EYA4: variants seen among roughly 807,000 people sequenced by gnomAD.
EYA4 encodes the protein EYA transcriptional coactivator and phosphatase 4, also known as protein phosphatase EYA4.
EYA4 carries 31 observed loss-of-function variants against 87.9 expected under a neutral mutation model. That is an observed-to-expected ratio of 0.35 (90% CI 0.27 to 0.48). EYA4 has a LOEUF of 0.48. EYA4 is among the 20% of genes least tolerant of loss of function. The pLI is 0.99. For missense variants in EYA4, 678 were observed against 761.4 expected, an observed-to-expected ratio of 0.89 and a Z score of 1.29; for synonymous variants, 263 against 270.6, an observed-to-expected ratio of 0.97 and a Z score of 0.28.
At chr6:133,515,161 T>G (rs1452894322) in intron 16 of EYA4, among the ~76,000 whole-genome samples, 160 bp from the exon 17 acceptor site, 1 of 152,174 alleles carries the variant, frequency 6.6e-6, no homozygotes, top group Admixed American at 6.5e-5. Context: ...GATATTCAAT[T>G]CAGAAACGAA....
chr6:133,388,857 C>T (rs1282967337), intron 3 of EYA4, among the ~76,000 whole-genome samples: 1 of 152,162 alleles, frequency 6.6e-6, no homozygotes, highest in Non-Finnish European at 1.5e-5. Context: ...GCTTTTCTTT[C>T]ATTTCATACT....
chr6:133,378,935 G>GTGTGTT (rs1232422818), intron 2 of EYA4, among the ~76,000 whole-genome samples: 3 of 125,384 alleles, frequency 2.4e-5, no homozygotes, highest in African/African-American at 7.7e-5. Context: ...TGGTGTGTGT[G>GTGTGTT]TGTGTGTGTG....
intron 3 of EYA4, among the ~76,000 whole-genome samples, chr6:133,408,457 G>A (rs1788923913): frequency 6.6e-6 from 1 of 152,034 alleles, no homozygotes; most frequent in Admixed American, 6.6e-5. Context: ...CTACGCATAA[G>A]ATTAAATGAA....
At chr6:133,506,807 C>T (rs770861529) in intron 14 of EYA4, among the ~76,000 whole-genome samples, 4 of 152,004 alleles carry the variant, frequency 2.6e-5, no homozygotes, top group African/African-American at 7.2e-5. Flanking sequence ...CAAAATGAAA[C>T]GACCCAAGGA....
chr6:133,298,850 ATG>A (rs1360951443), intron 2 of EYA4, among the ~76,000 whole-genome samples: 2 of 152,220 alleles, frequency 1.3e-5, no homozygotes, highest in Admixed American at 1.3e-4. Context: ...ATCCTGATAA[ATG>A]TGAACACCTT....
chr6:133,415,012 C>G (rs1789586419), intron 3 of EYA4, among the ~76,000 whole-genome samples: 1 of 152,096 alleles, frequency 6.6e-6, no homozygotes, highest in Admixed American at 6.6e-5. Flanking sequence ...TTTATTTCAT[C>G]CAATTTGGTA....
chr6:133,512,469 G>T (rs1292612189), intron 14 of EYA4, among the ~76,000 whole-genome samples: 2 of 152,048 alleles, frequency 1.3e-5, no homozygotes, highest in African/African-American at 4.8e-5. Flanking sequence ...TTTTTAAATT[G>T]CTCTAAAGAA....
chr6:133,442,934 T>C lies in EYA4; in HGVS notation c.84-3696T>C, dbSNP rs574999340. On this transcript the variant is annotated intron_variant, in intron 3 of 19. Transcript: ENST00000355286. Reference sequence around the variant, plus strand: ...ATTATGTTAATATATTGAATTACATTGATTTCCACATGTGAAATCAGCTTT... The same window carrying C: ...ATTATGTTAATATATTGAATTACATCGATTTCCACATGTGAAATCAGCTTT... Among the ~76,000 whole-genome samples the C allele has an allele frequency of 3.9e-3, 599 of 152,236 alleles. 3 individuals are homozygous for C. Among genetic ancestry groups the C allele is most frequent in the African/African-American group, 0.014 (571 of 41,578 alleles).
chr6:133,279,604 C>A (rs1054186282), intron 2 of EYA4, among the ~76,000 whole-genome samples: 1 of 152,100 alleles, frequency 6.6e-6, no homozygotes, highest in African/African-American at 2.4e-5. Context: ...CCTTCACCAA[C>A]CATGCTAATT....
chr6:133,332,646 C>T (rs1382777074), intron 2 of EYA4, among the ~76,000 whole-genome samples: 1 of 151,828 alleles, frequency 6.6e-6, no homozygotes, highest in African/African-American at 2.4e-5. Context: ...CGGGTTCAAG[C>T]TATTCCCCTG....
chr6:133,372,636 ATTTTCTC>A (rs1158448648), intron 2 of EYA4, among the ~76,000 whole-genome samples: 3 of 151,738 alleles, frequency 2.0e-5, no homozygotes, highest in Non-Finnish European at 4.4e-5. Flanking sequence ...ACATTCTTGA[ATTTTCTC>A]TTTATAAATG....
chr6:133,476,545 T>TG (rs1439535678), intron 11 of EYA4, among the ~76,000 whole-genome samples: 1 of 152,146 alleles, frequency 6.6e-6, no homozygotes, highest in South Asian at 2.1e-4. Flanking sequence ...TAACATAATG[T>TG]TCTCTAAGTT....
intron 2 of EYA4, among the ~76,000 whole-genome samples, chr6:133,354,873 TTTG>T (rs760010693): frequency 6.6e-6 from 1 of 152,090 alleles, no homozygotes; most frequent in Non-Finnish European, 1.5e-5. Flanking sequence ...AATGTAGTGT[TTTG>T]TTGTTGTTGT....
intron 1 of EYA4, among the ~76,000 whole-genome samples, chr6:133,262,349 A>G (rs1408448571): frequency 1.3e-5 from 2 of 152,236 alleles, no homozygotes; most frequent in African/African-American, 2.4e-5. Context: ...GTGTGTACAA[A>G]ATGCTCAGCA....
intron 2 of EYA4, among the ~76,000 whole-genome samples, chr6:133,367,998 G>A (rs1470563039): frequency 6.6e-6 from 1 of 152,104 alleles, no homozygotes; most frequent in Non-Finnish European, 1.5e-5. Context: ...ATTGGTGGCA[G>A]TATGCTGGAA....
intron 2 of EYA4, among the ~76,000 whole-genome samples, chr6:133,343,222 A>T (rs899188427): frequency 1.3e-5 from 2 of 152,340 alleles, no homozygotes; most frequent in East Asian, 3.9e-4. Context: ...ATCAGAACAA[A>T]ATTGTACATA....
At chr6:133,385,260 C>G (rs1786607993) in intron 3 of EYA4, among the ~76,000 whole-genome samples, 1 of 144,840 alleles carries the variant, frequency 6.9e-6, no homozygotes. Flanking sequence ...GATTGTGCCA[C>G]TGCACTCCAG....
intron 2 of EYA4, among the ~76,000 whole-genome samples, chr6:133,367,256 G>A (rs918237827): frequency 6.6e-6 from 1 of 152,124 alleles, no homozygotes; most frequent in Admixed American, 6.5e-5. Flanking sequence ...CTACTTATGT[G>A]TACTCATGCT....
chr6:133,476,478 T>C (rs1795744312), intron 11 of EYA4, among the ~76,000 whole-genome samples: 1 of 152,098 alleles, frequency 6.6e-6, no homozygotes, highest in African/African-American at 2.4e-5. Context: ...TTTTTTGCAC[T>C]CCACATATAA....
Sources: allele counts gnomAD v4.1 joint callset (sites outside exome capture counted in the v4.1 genomes callset), GRCh38; gene constraint gnomAD v4.1.1; transcripts MANE v1.5; gene names NCBI Gene and HGNC (gene_info 2026-07-23, HGNC 2026-07-21).